Variants in MMP20 observed in about 807,000 individuals in gnomAD.
The protein encoded by MMP20 is matrix metalloproteinase-20.
MMP20 carries 50 observed loss-of-function variants against 51.8 expected under a neutral mutation model. That is an observed-to-expected ratio of 0.97 (90% CI 0.77 to 1.22). The LOEUF (loss-of-function observed/expected upper bound fraction) is 1.22, where lower values mean the gene tolerates loss of function less well. MMP20 is among the 50% of genes most tolerant of loss of function. The pLI is 0.00. For synonymous variants in MMP20, 244 were observed against 216.2 expected (o/e 1.13, Z -1.13); for missense variants, 663 against 601.4 (o/e 1.10, Z -1.07).
chr11:102,593,900 T>A lies in MMP20; in HGVS notation c.1091-305A>T, dbSNP rs925798898. On this transcript the variant is annotated intron_variant, in intron 7 of 9. Coordinates refer to ENST00000260228, the MANE Select transcript of MMP20 (RefSeq NM_004771.4). ...TATAATCTCATTTCACCTTCATAGA[T>A]CTACGAGAGAGAATGGGCAAGTGAC... Among the ~76,000 whole-genome samples the A allele has an allele frequency of 7.2e-5, 11 of 152,228 alleles. 1 individual carries two copies. The highest frequency in any genetic ancestry group is 3.9e-4 in the Admixed American group (6 of 15,282).
Position 102,616,996 on chromosome 11 carries a change from C to A in MMP20, c.190G>T (p.Gly64Ter), listed in dbSNP as rs757096989. Reference sequence around the variant, plus strand: ...ATCTTCCTTATCATGGAATTGCTTCCTCTTGCAACCATCTCACCAATCTGG... The same window carrying A: ...ATCTTCCTTATCATGGAATTGCTTCATCTTGCAACCATCTCACCAATCTGG... ...GHQIGEMVARGSNSMIRKIKE... is the reference protein window; with the variant it reads ...GHQIGEMVAR The change falls in exon 2 of 10, where the codon GGA becomes TGA. Residue 64 changes from glycine to a stop codon, truncating the protein, a stop_gained. Transcript: ENST00000260228. LOFTEE classifies it high-confidence loss of function. 7 of 1,614,126 alleles carry A rather than the reference C, an allele frequency of 4.3e-6. No individual in the cohort carries two copies. In the South Asian group the frequency reaches 7.7e-5, roughly 18 times the overall value.
chr11:102,577,157 A>T lies in MMP20; in HGVS notation c.*169T>A, dbSNP rs1859135149. 1 of 608,088 alleles carries T rather than the reference A, an allele frequency of 1.6e-6. No homozygotes were observed. Among genetic ancestry groups the T allele is most frequent in the African/African-American group, 1.9e-5 (1 of 53,698 alleles). 37.7% of individuals were successfully genotyped at this position (608,088 alleles called of 1,614,324 possible). On this transcript the variant is annotated 3_prime_UTR_variant, in exon 10 of 10. Coordinates refer to ENST00000260228, the MANE Select transcript of MMP20 (RefSeq NM_004771.4). ...TTTTCTAATGTGGATTGAAATTCTG[A>T]TTATACAACTATGAAAAAAATTGGA...
chr11:102,603,151 T>A (rs1039267074), intron 6 of MMP20, among the ~76,000 whole-genome samples: 1 of 152,138 alleles, frequency 6.6e-6, no homozygotes, highest in Non-Finnish European at 1.5e-5. Flanking sequence ...AACCATGTGG[T>A]TATTATGCCC....
chr11:102,594,712 G>C lies in MMP20; in HGVS notation c.999C>G (p.Pro333=), dbSNP rs755982296. 2 of 1,611,490 alleles carry C rather than the reference G, an allele frequency of 1.2e-6. No homozygotes were observed. Among genetic ancestry groups the C allele is most frequent in the East Asian group, 4.5e-5 (2 of 44,806 alleles). Residue 333 remains proline (P), a synonymous_variant, in exon 7 of 10, where the codon CCC becomes CCG. Transcript: ENST00000260228. ...RQVHLRTGIR[P]STITSSFPQL... is the part of the protein sequence containing the mutation. ...GGGGGAAGGAGCTGGTAATAGTGCT[G>C]GGCCGAATTCCTGTCCGCAAGTGAA...
At chr11:102,610,088 C>T (rs990505899) in intron 3 of MMP20, 58 bp from the exon 4 acceptor site, 15 of 1,591,818 alleles carry the variant, frequency 9.4e-6, no homozygotes, top group South Asian at 7.8e-5. Flanking sequence ...TTCTGAGGGG[C>T]GCATCATATT....
At chr11:102,610,377 G>T (rs1859582729) in intron 3 of MMP20, among the ~76,000 whole-genome samples, 1 of 151,884 alleles carries the variant, frequency 6.6e-6, no homozygotes, top group Non-Finnish European at 1.5e-5. Flanking sequence ...CGGGGCGGCG[G>T]GGGGGCGGCA....
chr11:102,621,410 C>G (rs1385659346), intron 1 of MMP20, among the ~76,000 whole-genome samples: 1 of 152,226 alleles, frequency 6.6e-6, no homozygotes, highest in Non-Finnish European at 1.5e-5. Flanking sequence ...AGGTTCTAGT[C>G]CAGGCTGTGT....
chr11:102,617,771 T>C (rs1859693409), intron 1 of MMP20, among the ~76,000 whole-genome samples: 1 of 152,200 alleles, frequency 6.6e-6, no homozygotes, highest in Non-Finnish European at 1.5e-5. Context: ...CAGTATATAT[T>C]GTTCAAAACA....
intron 5 of MMP20, chr11:102,607,282 A>G (rs1169471124): frequency 6.2e-6 from 1 of 161,018 alleles, no homozygotes; most frequent in Non-Finnish European, 1.4e-5. Flanking sequence ...CTTCTGGTGG[A>G]TCGTCTTGGA....
At chr11:102,599,083 G>A (rs545213220) in intron 6 of MMP20, among the ~76,000 whole-genome samples, 1 of 149,308 alleles carries the variant, frequency 6.7e-6, no homozygotes, top group African/African-American at 2.5e-5. Context: ...CGCAATCTCA[G>A]CTCACTGCAA....
At chr11:102,620,005 G>A (rs1445311997) in intron 1 of MMP20, among the ~76,000 whole-genome samples, 1 of 152,244 alleles carries the variant, frequency 6.6e-6, no homozygotes, top group East Asian at 1.9e-4. Context: ...CCTAGTTGGT[G>A]CTTCCATAAG....
chr11:102,609,848 T>C, intron 4 of MMP20, 57 bp downstream of exon 4: 3 of 1,612,488 alleles, frequency 1.9e-6, no homozygotes, highest in African/African-American at 1.3e-5. Flanking sequence ...GGTTTCATGA[T>C]GGAGCCCAGA....
At chr11:102,606,312 A>G (rs1221184055) in intron 6 of MMP20, among the ~76,000 whole-genome samples, 2 of 152,194 alleles carry the variant, frequency 1.3e-5, no homozygotes, top group Non-Finnish European at 2.9e-5. Flanking sequence ...CCATATATGG[A>G]CATAACTTAG....
intron 6 of MMP20, 44 bp from the exon 7 acceptor site, chr11:102,594,801 A>G (rs770343723): frequency 3.8e-6 from 6 of 1,592,778 alleles, no homozygotes; most frequent in Non-Finnish European, 3.4e-6. Flanking sequence ...ATCAAGATCA[A>G]TGATTGATTT....
intron 6 of MMP20, among the ~76,000 whole-genome samples, chr11:102,597,577 G>T (rs1027384421): frequency 6.6e-6 from 1 of 152,114 alleles, no homozygotes; most frequent in African/African-American, 2.4e-5. Context: ...TACAGCCAGG[G>T]ATGCCACTAA....
chr11:102,618,578 G>T (rs1445537960), intron 1 of MMP20, among the ~76,000 whole-genome samples: 1 of 151,894 alleles, frequency 6.6e-6, no homozygotes, highest in Non-Finnish European at 1.5e-5. Context: ...TGGTATGAAA[G>T]AATGCTCTTT....
At chr11:102,590,059 T>G (rs540775313) in intron 8 of MMP20, among the ~76,000 whole-genome samples, 221 of 152,262 alleles carry the variant, frequency 1.5e-3, no homozygotes, top group African/African-American at 5.1e-3. Context: ...GATTTGCAAG[T>G]CACTTTGCAT....
chr11:102,620,925 T>C (rs559381147), intron 1 of MMP20, among the ~76,000 whole-genome samples: 19 of 152,266 alleles, frequency 1.2e-4, no homozygotes, highest in South Asian at 4.1e-4. Flanking sequence ...CAGATGAATA[T>C]GGTTTTATTC....
chr11:102,596,446 A>G (rs1043070910), intron 6 of MMP20, among the ~76,000 whole-genome samples: 14 of 152,192 alleles, frequency 9.2e-5, no homozygotes, highest in African/African-American at 3.4e-4. Context: ...ATATCATGAG[A>G]CCATTATAAG....
Sources: allele counts gnomAD v4.1 joint callset (sites outside exome capture counted in the v4.1 genomes callset), GRCh38; gene constraint gnomAD v4.1.1; transcripts MANE v1.5; gene names NCBI Gene and HGNC (gene_info 2026-07-23, HGNC 2026-07-21).